SIK2: variants seen among roughly 807,000 people sequenced by gnomAD.
The protein encoded by SIK2 is serine/threonine-protein kinase SIK2.
SIK2 carries 29 observed loss-of-function variants against 103.2 expected under a neutral mutation model. That is an observed-to-expected ratio of 0.28 (90% CI 0.21 to 0.38). The LOEUF (loss-of-function observed/expected upper bound fraction) is 0.38, where lower values mean the gene tolerates loss of function less well. Ranked by LOEUF, SIK2 falls within the 10% of genes least tolerant of loss-of-function variation. SIK2 has a pLI of 1.00. For missense variants in SIK2, 879 were observed against 1,171.0 expected (o/e 0.75, Z 3.64); for synonymous variants, 412 against 446.1 (o/e 0.92, Z 0.96).
intron 3 of SIK2, among the ~76,000 whole-genome samples, chr11:111,645,744 G>A (rs1942246594): frequency 6.6e-6 from 1 of 152,024 alleles, no homozygotes; most frequent in Non-Finnish European, 1.5e-5. Flanking sequence ...GAACCCAGGA[G>A]GCGGAGGTTG....
intron 2 of SIK2, among the ~76,000 whole-genome samples, chr11:111,619,978 A>G (rs1001006401): frequency 2.6e-5 from 4 of 152,218 alleles, no homozygotes; most frequent in Admixed American, 1.3e-4. Flanking sequence ...CAAAACTTAT[A>G]TTATCTATAC....
intron 3 of SIK2, among the ~76,000 whole-genome samples, chr11:111,641,639 C>T (rs1056374364): frequency 1.3e-5 from 2 of 152,116 alleles, no homozygotes; most frequent in South Asian, 4.1e-4. Context: ...GGTTTCTTGC[C>T]TCTTTATTTC....
chr11:111,681,750 A>G (rs1201789367), intron 3 of SIK2, among the ~76,000 whole-genome samples: 1 of 152,180 alleles, frequency 6.6e-6, no homozygotes, highest in Non-Finnish European at 1.5e-5. Context: ...GAAGAATTTC[A>G]CCTAATAAAT....
chr11:111,711,948 G>A (rs569148633), intron 8 of SIK2, among the ~76,000 whole-genome samples: 4 of 152,314 alleles, frequency 2.6e-5, no homozygotes, highest in East Asian at 1.9e-4. Flanking sequence ...TAGCTTTCTC[G>A]TCACCTGCGT....
In SIK2 at chr11:111,614,487, A is replaced by G. The variant is rs117298329; in HGVS notation, c.136-1756A>G. Among the ~76,000 whole-genome samples the G allele has an allele frequency of 1.8e-3, 268 of 152,368 alleles. 1 individual carries two copies. The highest frequency in any genetic ancestry group is 3.4e-3 in the Non-Finnish European group (228 of 68,034). ...ATTTTGTATGTTACATGCATTATATACTTTATTCTTATAATAAAGTAAACT... is the reference window on the plus strand; with the variant it reads ...ATTTTGTATGTTACATGCATTATATGCTTTATTCTTATAATAAAGTAAACT... On this transcript the variant is annotated intron_variant, in intron 1 of 14. Coordinates refer to ENST00000304987, the MANE Select transcript of SIK2 (RefSeq NM_015191.3).
rs146579617 is a variant in SIK2 at position 111,636,130 on chromosome 11, G to A, written c.316+15728G>A. Among the ~76,000 whole-genome samples, 250 of 152,218 alleles carry A rather than the reference G, an allele frequency of 1.6e-3. 2 individuals are homozygous for A. The highest frequency in any genetic ancestry group is 5.6e-3 in the African/African-American group (233 of 41,538). On this transcript the variant is annotated intron_variant, in intron 3 of 14. Coordinates refer to ENST00000304987, the MANE Select transcript of SIK2 (RefSeq NM_015191.3). ...GAGGTAGATTTTATCTGCTAATTACGGTGATAAAAGAGGTAGATTTCCTAC... is the reference window on the plus strand; with the variant it reads ...GAGGTAGATTTTATCTGCTAATTACAGTGATAAAAGAGGTAGATTTCCTAC...
intron 3 of SIK2, among the ~76,000 whole-genome samples, chr11:111,658,104 T>G (rs1942418069): frequency 2.1e-5 from 3 of 142,034 alleles, no homozygotes; most frequent in Admixed American, 2.1e-4. Flanking sequence ...ATTTATTTAT[T>G]TATTTATTTA....
At position 111,687,637 on chromosome 11, in the gene SIK2, T is replaced by G. The variant is rs916651027; in HGVS notation, c.317-364T>G. 3.2e-4 allele frequency among the ~76,000 whole-genome samples: 3 copies of G among 9,398 alleles called. No individual in the cohort carries two copies. The Non-Finnish European group carries it at 0.029, about 90-fold the overall frequency. 6.2% of individuals were successfully genotyped at this position (9,398 alleles called of 152,430 possible). A position where few individuals can be genotyped will look rare whatever the true frequency, so the allele number is the denominator to read the frequency against. ...AAACTTTTTTTTTTGAGATAGAGTC[T>G]CACTCTCGTCCAGGCTGGAGGGCAG... is the stretch of plus-strand genomic sequence containing the variant. On this transcript the variant is annotated intron_variant, in intron 3 of 14. Transcript: ENST00000304987.
intron 10 of SIK2, 140 bp downstream of exon 10, chr11:111,720,143 T>C: frequency 1.2e-6 from 1 of 859,248 alleles, no homozygotes; most frequent in South Asian, 1.6e-5. Flanking sequence ...TCAGCAGGTA[T>C]AGCAGACACA....
chr11:111,665,029 A>G (rs886654099), intron 3 of SIK2, among the ~76,000 whole-genome samples: 4 of 152,128 alleles, frequency 2.6e-5, no homozygotes, highest in Non-Finnish European at 4.4e-5. Context: ...CCACAATCCT[A>G]CAGTCCACTG....
chr11:111,616,212 T>C lies in SIK2; in HGVS notation c.136-31T>C, dbSNP rs771454574. The stretch of plus-strand genomic sequence containing the variant: ...CTAGAAAATGTTAACTATTGTATAC[T>C]AATTGTATTTATTTGTGTTCTGGGA... On this transcript the variant is annotated intron_variant, in intron 1 of 14. Coordinates refer to ENST00000304987, the MANE Select transcript of SIK2 (RefSeq NM_015191.3). 2.1e-6 allele frequency: 3 copies of C among 1,402,314 alleles called. No homozygotes were observed. In the Admixed American group the frequency reaches 5.1e-5, roughly 24 times the overall value. 86.9% of individuals were successfully genotyped at this position (1,402,314 alleles called of 1,614,324 possible). A position where few individuals can be genotyped will look rare whatever the true frequency, so the allele number is the denominator to read the frequency against.
At position 111,723,649 on chromosome 11, in the gene SIK2, G is replaced by C. The variant is rs200450249; in HGVS notation, c.2301G>C (p.Pro767=). 16 of 1,613,952 alleles carry C rather than the reference G, an allele frequency of 9.9e-6. No individual in the cohort carries two copies. Among genetic ancestry groups the C allele is most frequent in the Non-Finnish European group, 1.4e-5 (16 of 1,180,034 alleles). The change falls in exon 15 of 15, where the codon CCG becomes CCC. Residue 767 remains proline, a synonymous_variant. Coordinates refer to ENST00000304987, the MANE Select transcript of SIK2 (RefSeq NM_015191.3). The part of the protein sequence containing the change: ...ETPPPSQQAP[P]FSLTQPLSPV... ...CACCGCCTTCTCAGCAGGCCCCACCGTTCAGCCTGACCCAGCCCCTGAGCC... is the reference window on the plus strand; with the variant it reads ...CACCGCCTTCTCAGCAGGCCCCACCCTTCAGCCTGACCCAGCCCCTGAGCC...
chr11:111,701,706 T>C lies in SIK2; in HGVS notation c.727+131T>C. Reference sequence around the variant, plus strand: ...AGTGACTGAGCTGTAGGTTAAAAGCTATAGAAAGAAGCAACCTCCTTTATG... The same window carrying C: ...AGTGACTGAGCTGTAGGTTAAAAGCCATAGAAAGAAGCAACCTCCTTTATG... On this transcript the variant is annotated intron_variant, in intron 6 of 14. Transcript: ENST00000304987. The surrounding 1 kb of genome is among the most constrained non-coding windows in gnomAD (Gnocchi z 4.2). 2 of 1,205,258 alleles carry C rather than the reference T, an allele frequency of 1.7e-6. No individual in the cohort carries two copies. Among genetic ancestry groups the C allele is most frequent in the Non-Finnish European group, 2.3e-6 (2 of 886,834 alleles). 74.7% of individuals were successfully genotyped at this position (1,205,258 alleles called of 1,614,324 possible).
intron 3 of SIK2, among the ~76,000 whole-genome samples, chr11:111,672,887 G>A (rs1325911458): frequency 6.6e-6 from 1 of 152,184 alleles, no homozygotes; most frequent in Non-Finnish European, 1.5e-5. Context: ...AAACTTAAGG[G>A]TTAGTGAGAA....
In SIK2 at chr11:111,622,961, A is replaced by G. The variant is rs199573526; in HGVS notation, c.316+2559A>G. ...ACTATACTCTTTTCATCAAATTTGGATATTTTTCAGCCATTATTTTCTAAC... is the reference window on the plus strand; with the variant it reads ...ACTATACTCTTTTCATCAAATTTGGGTATTTTTCAGCCATTATTTTCTAAC... On this transcript the variant is annotated intron_variant, in intron 3 of 14. Transcript: ENST00000304987. Among the ~76,000 whole-genome samples the G allele has an allele frequency of 2.0e-4, 30 of 152,142 alleles. No homozygotes were observed. The East Asian group carries it at 5.6e-3, about 28-fold the overall frequency.
chr11:111,643,290 C>A (rs1054699164), intron 3 of SIK2, among the ~76,000 whole-genome samples: 2 of 152,008 alleles, frequency 1.3e-5, no homozygotes, highest in South Asian at 4.2e-4. Context: ...GGGAACAACA[C>A]ACACCAGGGC....
intron 3 of SIK2, among the ~76,000 whole-genome samples, chr11:111,631,242 A>G (rs1182403998): frequency 6.6e-6 from 1 of 152,228 alleles, no homozygotes; most frequent in Non-Finnish European, 1.5e-5. Context: ...TCTGTAGTGT[A>G]GCTGATGAGA....
chr11:111,644,798 A>G (rs1444412275), intron 3 of SIK2, among the ~76,000 whole-genome samples: 1 of 152,242 alleles, frequency 6.6e-6, no homozygotes, highest in Non-Finnish European at 1.5e-5. Context: ...CTCATATATA[A>G]GTTATTATGT....
At chr11:111,702,037 C>A (rs1943223517) in intron 6 of SIK2, among the ~76,000 whole-genome samples, 1 of 152,140 alleles carries the variant, frequency 6.6e-6, no homozygotes, top group South Asian at 2.1e-4. Context: ...GTTAAGTTTA[C>A]CCCTTAGTTT....
Sources: allele counts gnomAD v4.1 joint callset (sites outside exome capture counted in the v4.1 genomes callset), GRCh38; gene constraint gnomAD v4.1.1; non-coding constraint Gnocchi (gnomAD v3.1); transcripts MANE v1.5; gene names NCBI Gene and HGNC (gene_info 2026-07-23, HGNC 2026-07-21).